ZWILCH: variants seen among roughly 807,000 people sequenced by gnomAD.
ZWILCH encodes zwilch kinetochore protein, also known as protein zwilch homolog.
ZWILCH carries 74 observed loss-of-function variants against 79.9 expected under a neutral mutation model. The observed-to-expected ratio is 0.93, with a 90% CI of 0.77 to 1.12. The LOEUF is 1.12. ZWILCH is among the 50% of genes most tolerant of loss of function. The pLI is 0.00. For missense variants in ZWILCH, 694 were observed against 687.5 expected, an observed-to-expected ratio of 1.01 and a Z score of -0.11; for synonymous variants, 241 against 228.2, an observed-to-expected ratio of 1.06 and a Z score of -0.51.
intron 4 of ZWILCH, among the ~76,000 whole-genome samples, chr15:66,517,726 C>CTT (rs1161719182): frequency 0.049 from 2,830 of 58,298 alleles, 835 homozygotes; most frequent in African/African-American, 0.19. Context: ...CTTTTCTTTC[C>CTT]TTTTTTTTTT....
chr15:66,516,713 G>A (rs1032790594), intron 4 of ZWILCH, among the ~76,000 whole-genome samples: 1 of 152,090 alleles, frequency 6.6e-6, no homozygotes, highest in Admixed American at 6.6e-5. Flanking sequence ...CACCATGTTA[G>A]CCAGGCTGGT....
intron 17 of ZWILCH, 53 bp from the exon 18 acceptor site, chr15:66,546,538 G>C: frequency 8.0e-7 from 1 of 1,255,080 alleles, no homozygotes; most frequent in South Asian, 1.4e-5. Context: ...ATTATACATG[G>C]TAGAAAAGCA....
chr15:66,519,023 T>C lies in ZWILCH; in HGVS notation c.465T>C (p.Leu155=). Residue 155 remains leucine (L), a synonymous_variant, in exon 5 of 19, where the codon CTT becomes CTC. Transcript: ENST00000307897. ...PEGTCWLGAE[L]ITTNNSITGI... is the part of the protein sequence containing the mutation. Reference sequence around the variant, plus strand: ...GTACTTGTTGGCTAGGAGCTGAGCTTATCACAACAAACAACAGCATTACAG... The same window carrying C: ...GTACTTGTTGGCTAGGAGCTGAGCTCATCACAACAAACAACAGCATTACAG... 1.2e-6 allele frequency: 2 copies of C among 1,614,212 alleles called. No homozygotes were observed. The highest frequency in any genetic ancestry group is 1.7e-6 in the Non-Finnish European group (2 of 1,180,022).
intron 17 of ZWILCH, among the ~76,000 whole-genome samples, chr15:66,545,835 C>T (rs1307526992): frequency 6.6e-6 from 1 of 152,090 alleles, no homozygotes; most frequent in Non-Finnish European, 1.5e-5. Flanking sequence ...TTTCGAAGAT[C>T]GTATGCTTTT....
Position 66,505,403 on chromosome 15 carries a change from CTCT to C in ZWILCH, c.53+17_53+19del, listed in dbSNP as rs1009103538. The C allele has an allele frequency of 6.2e-7, 1 of 1,613,836 alleles. No homozygotes were observed. The highest frequency in any genetic ancestry group is 8.5e-7 in the Non-Finnish European group (1 of 1,179,908). ...TCTCGTCTCCTTCAGTGAGTCTAGT[CTCT>C]TCTTTTGGCTGGGGTCCTGGGACAG... On this transcript the variant is annotated intron_variant, in intron 1 of 18. Coordinates refer to ENST00000307897, the MANE Select transcript of ZWILCH (RefSeq NM_017975.5).
chr15:66,530,107 G>A (rs1894813421), intron 12 of ZWILCH, among the ~76,000 whole-genome samples: 6 of 152,052 alleles, frequency 3.9e-5, no homozygotes, highest in African/African-American at 1.4e-4. Flanking sequence ...AAATTTAAAG[G>A]ACCTAAATTT....
chr15:66,517,726 CTTTTTTTTT>C (rs1161719182), intron 4 of ZWILCH, among the ~76,000 whole-genome samples: 2 of 58,228 alleles, frequency 3.4e-5, no homozygotes, highest in African/African-American at 7.3e-5. Flanking sequence ...CTTTTCTTTC[CTTTTTTTTT>C]TTTTTTTTTT....
chr15:66,533,314 G>A (rs1186280589), intron 14 of ZWILCH, among the ~76,000 whole-genome samples: 1 of 152,108 alleles, frequency 6.6e-6, no homozygotes, highest in African/African-American at 2.4e-5. Flanking sequence ...TCTTTGATAG[G>A]TTCTGTAAAG....
intron 16 of ZWILCH, among the ~76,000 whole-genome samples, chr15:66,538,879 T>C (rs1895105500): frequency 6.6e-6 from 1 of 152,230 alleles, no homozygotes. Context: ...CTCTGCTTTC[T>C]TTTCTTCTTA....
chr15:66,533,736 A>G (rs7174792), intron 14 of ZWILCH, among the ~76,000 whole-genome samples: 29,683 of 151,932 alleles, frequency 0.2, 2,967 homozygotes, highest in East Asian at 0.36. Context: ...ACGCGCACAC[A>G]CACACACACA....
intron 16 of ZWILCH, among the ~76,000 whole-genome samples, chr15:66,537,893 G>T (rs1895064493): frequency 6.6e-6 from 1 of 152,090 alleles, no homozygotes; most frequent in African/African-American, 2.4e-5. Context: ...TCTCTAGACT[G>T]TTGGGCCTCT....
In ZWILCH at chr15:66,529,648, A is replaced by G. The variant is rs112471657; in HGVS notation, c.1155+75A>G. The G allele has an allele frequency of 6.8e-4, 785 of 1,146,770 alleles. 5 individuals are homozygous for G. In the African/African-American group the frequency reaches 0.011, roughly 15 times the overall value. 71.0% of individuals were successfully genotyped at this position (1,146,770 alleles called of 1,614,324 possible). A position where few individuals can be genotyped will look rare whatever the true frequency, so the allele number is the denominator to read the frequency against. ...TGTAAAGACACAGGCTCTGAAGCCA[A>G]CTGCCTGAGTCTGAATTTCAGCTCT... On this transcript the variant is annotated intron_variant, in intron 12 of 18. Coordinates refer to ENST00000307897, the MANE Select transcript of ZWILCH (RefSeq NM_017975.5).
intron 8 of ZWILCH, among the ~76,000 whole-genome samples, chr15:66,526,725 G>T (rs1417438838): frequency 1.3e-5 from 2 of 152,134 alleles, no homozygotes; most frequent in African/African-American, 2.4e-5. Flanking sequence ...GCCTCCCAAA[G>T]TGCTGGGATT....
intron 16 of ZWILCH, among the ~76,000 whole-genome samples, chr15:66,539,614 A>T (rs1028285433): frequency 6.6e-6 from 1 of 152,082 alleles, no homozygotes; most frequent in Non-Finnish European, 1.5e-5. Flanking sequence ...TCTTCCTAAA[A>T]ATTCAAATCC....
chr15:66,519,496 C>G (rs1567043623), intron 5 of ZWILCH, among the ~76,000 whole-genome samples: 1 of 152,154 alleles, frequency 6.6e-6, no homozygotes, highest in Non-Finnish European at 1.5e-5. Flanking sequence ...GCTCTGTCGC[C>G]CAGGTGGGAG....
At chr15:66,537,299 T>G in intron 16 of ZWILCH, 36 bp downstream of exon 16, 1 of 1,499,636 alleles carries the variant, frequency 6.7e-7, no homozygotes, top group Non-Finnish European at 9.2e-7. Context: ...GGCTCATGCC[T>G]GTAATCCTAG....
intron 11 of ZWILCH, 22 bp downstream of exon 11, chr15:66,528,979 A>C: frequency 6.3e-7 from 1 of 1,584,484 alleles, no homozygotes; most frequent in Non-Finnish European, 8.7e-7. Flanking sequence ...TCATGATTTA[A>C]ATTTTTCCTC....
chr15:66,543,686 G>C (rs949273169), intron 17 of ZWILCH, among the ~76,000 whole-genome samples: 1 of 151,972 alleles, frequency 6.6e-6, no homozygotes, highest in Non-Finnish European at 1.5e-5. Context: ...GAGCCCAGGA[G>C]ATTGAGGCTG....
Position 66,546,717 on chromosome 15 carries a change from C to A in ZWILCH, c.*26+12C>A. 4 of 1,437,500 alleles carry A rather than the reference C, an allele frequency of 2.8e-6. No homozygotes were observed. The highest frequency in any genetic ancestry group is 2.6e-5 in the South Asian group (2 of 76,966). The allele number at this position is 1,437,500 out of a possible 1,614,324, so 89.0% of individuals were successfully genotyped here. On this transcript the variant is annotated intron_variant, in intron 18 of 18. Coordinates refer to ENST00000307897, the MANE Select transcript of ZWILCH (RefSeq NM_017975.5). ...AAGTCCTCTATAAGGTATTTATGTT[C>A]ACATTTTAGTCTCTTTGTCAAATAC...
Sources: allele counts gnomAD v4.1 joint callset (sites outside exome capture counted in the v4.1 genomes callset), GRCh38; gene constraint gnomAD v4.1.1; transcripts MANE v1.5; gene names NCBI Gene and HGNC (gene_info 2026-07-23, HGNC 2026-07-21).